Variants in CTDSPL observed in about 807,000 individuals in gnomAD.
The protein encoded by CTDSPL is CTD small phosphatase like.
In CTDSPL, 8 loss-of-function variants were observed where a neutral mutation model predicts 30.5. The observed-to-expected ratio is 0.26, with a 90% CI of 0.15 to 0.47. CTDSPL has a LOEUF of 0.47. Ranked by LOEUF, CTDSPL falls within the 20% of genes least tolerant of loss-of-function variation. CTDSPL has a pLI of 0.99. For missense variants in CTDSPL, 248 were observed against 366.1 expected (o/e 0.68, Z 2.63); for synonymous variants, 110 against 137.9 (o/e 0.80, Z 1.42).
intron 1 of CTDSPL, among the ~76,000 whole-genome samples, chr3:37,873,358 G>A (rs932559270): frequency 6.6e-6 from 1 of 152,156 alleles, no homozygotes; most frequent in African/African-American, 2.4e-5. Context: ...CAGAGAGTAG[G>A]CTTTTATTGG....
intron 1 of CTDSPL, among the ~76,000 whole-genome samples, chr3:37,921,362 G>A (rs1378386175): frequency 6.6e-6 from 1 of 152,190 alleles, no homozygotes; most frequent in Non-Finnish European, 1.5e-5. Context: ...CCACAGTCAG[G>A]ACAAGGAGCC....
chr3:37,933,912 A>G (rs1446686324), intron 1 of CTDSPL, among the ~76,000 whole-genome samples: 2 of 152,208 alleles, frequency 1.3e-5, no homozygotes, highest in Admixed American at 6.5e-5. Flanking sequence ...TCCTAGTATT[A>G]CTGTTGCAAA....
At chr3:37,956,057 T>C (rs1699169143) in intron 2 of CTDSPL, among the ~76,000 whole-genome samples, 1 of 152,236 alleles carries the variant, frequency 6.6e-6, no homozygotes, top group East Asian at 1.9e-4. Flanking sequence ...CTTAAAATCC[T>C]TAAGACAAGC....
At chr3:37,879,678 C>T (rs1332674025) in intron 1 of CTDSPL, among the ~76,000 whole-genome samples, 3 of 152,180 alleles carry the variant, frequency 2.0e-5, no homozygotes, top group African/African-American at 4.8e-5. Context: ...TCTCTTGACA[C>T]CTTCCTGCAG....
chr3:37,903,491 T>C lies in CTDSPL; in HGVS notation c.79+41213T>C, dbSNP rs1575290392. Reference sequence around the variant, plus strand: ...TGGTAACACAGGATGTGTGAACTTATGTTCATTGACCAGGACCTGAGCAGG... The same window carrying C: ...TGGTAACACAGGATGTGTGAACTTACGTTCATTGACCAGGACCTGAGCAGG... On this transcript the variant is annotated intron_variant, in intron 1 of 7. Coordinates refer to ENST00000273179, the MANE Select transcript of CTDSPL (RefSeq NM_001008392.2). Among the ~76,000 whole-genome samples the C allele has an allele frequency of 3.3e-5, 5 of 152,320 alleles. No individual in the cohort carries two copies. The South Asian group carries it at 1.0e-3, about 32-fold the overall frequency.
chr3:37,911,533 G>T (rs13099971), intron 1 of CTDSPL: 6 of 366,990 alleles, frequency 1.6e-5, no homozygotes, highest in Admixed American at 9.4e-5. Flanking sequence ...AATAATGAAG[G>T]CTTCTTTATC....
chr3:37,887,274 G>A (rs1366112953), intron 1 of CTDSPL, among the ~76,000 whole-genome samples: 1 of 152,150 alleles, frequency 6.6e-6, no homozygotes, highest in African/African-American at 2.4e-5. Context: ...CTGAAGTGTG[G>A]ATGCCTAGCC....
intron 1 of CTDSPL, among the ~76,000 whole-genome samples, chr3:37,924,272 CTTTTCTCTTCA>C (rs1300384479): frequency 6.6e-6 from 1 of 152,062 alleles, no homozygotes; most frequent in East Asian, 1.9e-4. Context: ...CTGCCATTTG[CTTTTCTCTTCA>C]TTATGGTTAC....
intron 1 of CTDSPL, among the ~76,000 whole-genome samples, chr3:37,937,117 C>T (rs1490197254): frequency 6.7e-6 from 1 of 150,342 alleles, no homozygotes; most frequent in Non-Finnish European, 1.5e-5. Context: ...ATTCTGAATA[C>T]AGCATGGACA....
At chr3:37,970,596 T>C (rs1246140190) in intron 5 of CTDSPL, among the ~76,000 whole-genome samples, 1 of 152,186 alleles carries the variant, frequency 6.6e-6, no homozygotes, top group East Asian at 1.9e-4. Flanking sequence ...CCCATCTCCC[T>C]TGTTTCCCCA....
intron 3 of CTDSPL, among the ~76,000 whole-genome samples, chr3:37,963,024 C>G (rs1250941160): frequency 6.6e-6 from 1 of 152,136 alleles, no homozygotes; most frequent in East Asian, 1.9e-4. Flanking sequence ...TTAAAAATAA[C>G]CTGCTGACTC....
At chr3:37,941,853 G>T (rs1029692953) in intron 1 of CTDSPL, among the ~76,000 whole-genome samples, 4 of 150,416 alleles carry the variant, frequency 2.7e-5, no homozygotes, top group African/African-American at 9.7e-5. Context: ...GGTCCTCCTT[G>T]CATGGTCCTC....
At chr3:37,882,830 C>A (rs537345899) in intron 1 of CTDSPL, among the ~76,000 whole-genome samples, 8 of 152,276 alleles carry the variant, frequency 5.3e-5, no homozygotes, top group African/African-American at 1.9e-4. Flanking sequence ...AGGTGATCCT[C>A]AGTGACAGTT....
intron 7 of CTDSPL, 108 bp from the exon 8 acceptor site, chr3:37,980,634 G>A: frequency 7.1e-7 from 1 of 1,403,800 alleles, no homozygotes. Context: ...GATGACACCA[G>A]TCGTCCTTAC....
chr3:37,901,148 G>T (rs1698446055), intron 1 of CTDSPL, among the ~76,000 whole-genome samples: 1 of 152,156 alleles, frequency 6.6e-6, no homozygotes, highest in African/African-American at 2.4e-5. Flanking sequence ...TTAGTAGTCT[G>T]GGCAGGAAGA....
chr3:37,886,080 G>C (rs1698259639), intron 1 of CTDSPL, among the ~76,000 whole-genome samples: 1 of 152,144 alleles, frequency 6.6e-6, no homozygotes. Context: ...CTTGTGCTCT[G>C]GTTCCCAAGT....
At chr3:37,899,453 G>A (rs1381650868) in intron 1 of CTDSPL, among the ~76,000 whole-genome samples, 2 of 152,160 alleles carry the variant, frequency 1.3e-5, no homozygotes, top group Non-Finnish European at 2.9e-5. Flanking sequence ...CCATGTGCAG[G>A]AGCTGCCAAC....
At chr3:37,864,353 TC>T (rs1199310717) in intron 1 of CTDSPL, among the ~76,000 whole-genome samples, 1 of 152,166 alleles carries the variant, frequency 6.6e-6, no homozygotes, top group Admixed American at 6.5e-5. Flanking sequence ...GTACAAATAC[TC>T]CAGGATAGTG....
intron 6 of CTDSPL, among the ~76,000 whole-genome samples, chr3:37,972,642 G>C (rs1235891865): frequency 2.0e-5 from 3 of 152,218 alleles, no homozygotes. Context: ...AAACTAGCAG[G>C]TTCCCAAGCC....
Sources: gnomAD v4.1 joint callset for allele counts (sites outside exome capture counted in the v4.1 genomes callset) on GRCh38, gnomAD v4.1.1 for gene constraint, MANE v1.5 for transcripts, NCBI Gene and HGNC (gene_info 2026-07-23, HGNC 2026-07-21) for gene names.